Variants in CPED1 observed in about 807,000 individuals in gnomAD.
The protein encoded by CPED1 is cadherin like and PC-esterase domain containing 1, also known as cadherin-like and PC-esterase domain-containing protein 1.
A neutral mutation model predicts 128.2 loss-of-function variants in CPED1; 114 were observed. That is an observed-to-expected ratio of 0.89 (90% CI 0.76 to 1.04). The LOEUF (loss-of-function observed/expected upper bound fraction) is 1.04, where lower values mean the gene tolerates loss of function less well. Among genes scored for constraint, CPED1 ranks in the 50% least tolerant of loss-of-function variants. The pLI, the probability that CPED1 is intolerant of heterozygous loss-of-function variation, is 0.00. For synonymous variants in CPED1, 462 were observed against 426.7 expected, an observed-to-expected ratio of 1.08 and a Z score of -1.02; for missense variants, 1,211 against 1,207.1, an observed-to-expected ratio of 1.00 and a Z score of -0.05.
At chr7:121,181,219 C>T (rs924380353) in intron 16 of CPED1, among the ~76,000 whole-genome samples, 1 of 151,960 alleles carries the variant, frequency 6.6e-6, no homozygotes, top group South Asian at 2.1e-4. Flanking sequence ...ATGGTTTCCC[C>T]AGTTTGCTTG....
At chr7:121,176,193 GAA>G (rs34712656) in intron 16 of CPED1, among the ~76,000 whole-genome samples, 9,529 of 61,682 alleles carry the variant, frequency 0.15, 431 homozygotes, top group South Asian at 0.26. Context: ...CTCCCCGCTG[GAA>G]AAAAAAAAAA....
At chr7:121,266,665 T>TGGG (rs761635453) in intron 19 of CPED1, 42 bp from the exon 20 acceptor site, 33 of 1,469,010 alleles carry the variant, frequency 2.2e-5, no homozygotes, top group Non-Finnish European at 3.0e-5. Flanking sequence ...GTTTACCTTC[T>TGGG]GTTTTAGGGC....
chr7:121,216,246 T>G (rs1797756712), intron 16 of CPED1, among the ~76,000 whole-genome samples: 2 of 147,300 alleles, frequency 1.4e-5, no homozygotes, highest in African/African-American at 5.1e-5. Flanking sequence ...TCTGCTGTCT[T>G]GTGTGCGTGG....
intron 5 of CPED1, among the ~76,000 whole-genome samples, chr7:121,088,163 G>T (rs1181806306): frequency 6.6e-6 from 1 of 152,114 alleles, no homozygotes; most frequent in Non-Finnish European, 1.5e-5. Flanking sequence ...TCAAGTCTAG[G>T]ATTGTTATAC....
chr7:121,044,979 G>T (rs1176794605), intron 3 of CPED1, among the ~76,000 whole-genome samples: 2 of 152,040 alleles, frequency 1.3e-5, no homozygotes, highest in African/African-American at 2.4e-5. Flanking sequence ...TTCTTCTAGG[G>T]TTCTAGTATT....
intron 4 of CPED1, among the ~76,000 whole-genome samples, chr7:121,048,954 T>C (rs1793281909): frequency 6.6e-6 from 1 of 151,648 alleles, no homozygotes; most frequent in Non-Finnish European, 1.5e-5. Context: ...CAATGGTTTT[T>C]CTGAAGCAAA....
chr7:121,198,781 G>A (rs62469349), intron 16 of CPED1, among the ~76,000 whole-genome samples: 4 of 152,132 alleles, frequency 2.6e-5, no homozygotes, highest in Non-Finnish European at 5.9e-5. Context: ...ACTTATCAAA[G>A]CATGTGATTC....
intron 2 of CPED1, 26 bp downstream of exon 2, chr7:120,989,896 GAC>G: frequency 6.2e-7 from 1 of 1,611,602 alleles, no homozygotes; most frequent in Non-Finnish European, 8.5e-7. Flanking sequence ...GCTTAACGGA[GAC>G]AGTTTCTGCA....
intron 16 of CPED1, among the ~76,000 whole-genome samples, chr7:121,224,625 T>C (rs1359631370): frequency 6.6e-6 from 1 of 152,084 alleles, no homozygotes; most frequent in Non-Finnish European, 1.5e-5. Context: ...AGGACTTGCT[T>C]TATGAATCTG....
intron 9 of CPED1, among the ~76,000 whole-genome samples, chr7:121,126,186 A>T (rs17537827): frequency 0.43 from 65,288 of 151,944 alleles, 15,548 homozygotes; most frequent in East Asian, 0.84. Context: ...AAAAAAGAGG[A>T]TGTGTAGATA....
At chr7:121,204,456 A>C (rs1797472593) in intron 16 of CPED1, among the ~76,000 whole-genome samples, 1 of 152,132 alleles carries the variant, frequency 6.6e-6, no homozygotes, top group Non-Finnish European at 1.5e-5. Context: ...CTACCAGTCC[A>C]CACACACCTA....
At chr7:121,136,134 G>A (rs373801979) in intron 14 of CPED1, 44 bp downstream of exon 14, 4 of 1,516,856 alleles carry the variant, frequency 2.6e-6, no homozygotes, top group Non-Finnish European at 3.5e-6. Flanking sequence ...TAAACAATTA[G>A]GGAACAGCCT....
intron 21 of CPED1, 21 bp downstream of exon 21, chr7:121,267,323 C>T (rs1213586226): frequency 2.8e-6 from 4 of 1,421,560 alleles, no homozygotes; most frequent in Non-Finnish European, 3.9e-6. Context: ...TTCCTCTGGG[C>T]TAGGTGAATT....
At chr7:121,260,127 A>G (rs1791977850) in intron 18 of CPED1, among the ~76,000 whole-genome samples, 1 of 151,690 alleles carries the variant, frequency 6.6e-6, no homozygotes, top group African/African-American at 2.4e-5. Context: ...TAAATACTAC[A>G]ACAATCCAGA....
At chr7:121,294,758 C>A (rs949792048) in intron 22 of CPED1, among the ~76,000 whole-genome samples, 4 of 140,338 alleles carry the variant, frequency 2.9e-5, no homozygotes, top group Non-Finnish European at 6.1e-5. Context: ...AATCAGAAGT[C>A]AACATGGCAG....
intron 16 of CPED1, among the ~76,000 whole-genome samples, chr7:121,215,137 A>G (rs750452241): frequency 6.6e-5 from 10 of 151,978 alleles, no homozygotes; most frequent in African/African-American, 9.7e-5. Context: ...GATGCCATAC[A>G]TTTATGGTTA....
At chr7:121,106,964 C>T (rs1794992799) in intron 7 of CPED1, among the ~76,000 whole-genome samples, 1 of 152,074 alleles carries the variant, frequency 6.6e-6, no homozygotes, top group Non-Finnish European at 1.5e-5. Context: ...TGTAAGCAAT[C>T]TTTCAAAGCA....
chr7:121,268,270 G>T (rs950228890), intron 21 of CPED1, among the ~76,000 whole-genome samples: 1 of 152,024 alleles, frequency 6.6e-6, no homozygotes, highest in African/African-American at 2.4e-5. Flanking sequence ...GCTCCACTGT[G>T]CCCCTTTGGT....
chr7:121,105,842 T>G (rs1794963647), intron 7 of CPED1, among the ~76,000 whole-genome samples: 1 of 152,116 alleles, frequency 6.6e-6, no homozygotes, highest in African/African-American at 2.4e-5. Flanking sequence ...CCCAACTTGG[T>G]TCTATTAAAA....
Sources: allele counts gnomAD v4.1 joint callset (sites outside exome capture counted in the v4.1 genomes callset), GRCh38; gene constraint gnomAD v4.1.1; transcripts MANE v1.5; gene names NCBI Gene and HGNC (gene_info 2026-07-23, HGNC 2026-07-21).